Variants in C1orf87 observed in about 807,000 individuals in gnomAD.
The protein encoded by C1orf87 is chromosome 1 open reading frame 87, also known as uncharacterized protein C1orf87.
C1orf87 carries 58 observed loss-of-function variants against 60.5 expected under a neutral mutation model. That is an observed-to-expected ratio of 0.96 (90% confidence interval 0.78 to 1.19). The LOEUF (loss-of-function observed/expected upper bound fraction) is 1.19. Among genes scored for constraint, C1orf87 ranks in the 50% most tolerant of loss-of-function variants. The probability of loss-of-function intolerance (pLI) is 0.00; values close to 1 mark genes in which losing one functional copy is unlikely to be tolerated. For synonymous variants in C1orf87, 236 were observed against 227.4 expected, an observed-to-expected ratio of 1.04 and a Z score of -0.34; for missense variants, 673 against 638.6, an observed-to-expected ratio of 1.05 and a Z score of -0.58.
chr1:60,035,606 C>T (rs1645270317), intron 6 of C1orf87, among the ~76,000 whole-genome samples: 1 of 152,230 alleles, frequency 6.6e-6, no homozygotes, highest in Non-Finnish European at 1.5e-5. Context: ...TTTCTACAAA[C>T]ATACTGTCTG....
In C1orf87 at chr1:60,003,358, T is replaced by C. The variant is rs534171402; in HGVS notation, c.1193-2202A>G. On this transcript the variant is annotated intron_variant, in intron 9 of 11. Transcript: ENST00000371201. The stretch of plus-strand genomic sequence containing the variant: ...AGGGGGGAGGGATAGCATCAGGAGA[T>C]ATACCTAATGATAGATAACGAGTTA... Among the ~76,000 whole-genome samples the C allele has an allele frequency of 7.4e-5, 11 of 149,202 alleles. No individual in the cohort carries two copies. In the South Asian group the frequency reaches 2.4e-3, roughly 33 times the overall value.
At chr1:60,063,765 C>A (rs1645512904) in intron 2 of C1orf87, among the ~76,000 whole-genome samples, 1 of 152,114 alleles carries the variant, frequency 6.6e-6, no homozygotes, top group Non-Finnish European at 1.5e-5. Flanking sequence ...GCAAGCTGGA[C>A]CTCAGTGGCA....
intron 3 of C1orf87, among the ~76,000 whole-genome samples, chr1:60,049,742 C>A (rs1049664036): frequency 6.6e-6 from 1 of 152,002 alleles, no homozygotes; most frequent in Admixed American, 6.5e-5. Context: ...ACACTTAAAC[C>A]TTTGATGTAT....
chr1:60,001,522 T>C (rs1416144531), intron 9 of C1orf87, among the ~76,000 whole-genome samples: 2 of 151,928 alleles, frequency 1.3e-5, no homozygotes, highest in Non-Finnish European at 2.9e-5. Flanking sequence ...ACCTGAAGGA[T>C]TGGTTTTAGT....
intron 3 of C1orf87, among the ~76,000 whole-genome samples, chr1:60,042,585 G>A (rs1645334025): frequency 6.6e-6 from 1 of 152,196 alleles, no homozygotes; most frequent in African/African-American, 2.4e-5. Context: ...AAAATCACAA[G>A]AGTTATTTAT....
At chr1:60,068,338 T>C (rs776357064) in intron 2 of C1orf87, among the ~76,000 whole-genome samples, 2 of 152,252 alleles carry the variant, frequency 1.3e-5, no homozygotes, top group Non-Finnish European at 2.9e-5. Flanking sequence ...TTGTTGGTTT[T>C]AGCTTATTTC....
intron 8 of C1orf87, among the ~76,000 whole-genome samples, chr1:60,012,180 A>G (rs1028165499): frequency 6.6e-6 from 1 of 150,432 alleles, no homozygotes; most frequent in African/African-American, 2.5e-5. Context: ...GCTTTGATGA[A>G]AAAAAAAACA....
intron 8 of C1orf87, among the ~76,000 whole-genome samples, chr1:60,020,937 T>G (rs1489352996): frequency 1.3e-5 from 2 of 152,048 alleles, no homozygotes; most frequent in African/African-American, 2.4e-5. Flanking sequence ...AAGGGCCTGG[T>G]GGGAGGTGAT....
intron 8 of C1orf87, among the ~76,000 whole-genome samples, chr1:60,020,123 T>C (rs1645152324): frequency 6.6e-6 from 1 of 152,154 alleles, no homozygotes; most frequent in East Asian, 1.9e-4. Context: ...TGGCAGCTCC[T>C]CCCATCACAG....
chr1:60,039,838 C>A (rs1173607716), intron 5 of C1orf87, 79 bp downstream of exon 5: 1 of 1,457,414 alleles, frequency 6.9e-7, no homozygotes, highest in Non-Finnish European at 9.3e-7. Context: ...AAGTAGCTAA[C>A]TTCTTAGTCT....
chr1:60,044,958 C>T (rs1372489678), intron 3 of C1orf87, among the ~76,000 whole-genome samples: 9 of 152,200 alleles, frequency 5.9e-5, no homozygotes, highest in Non-Finnish European at 1.5e-5. Context: ...CACAGATTTA[C>T]TGACTCTTCT....
At chr1:59,996,235 T>C (rs1644963179) in intron 11 of C1orf87, among the ~76,000 whole-genome samples, 1 of 152,238 alleles carries the variant, frequency 6.6e-6, no homozygotes, top group Non-Finnish European at 1.5e-5. Context: ...TAGATGGTAC[T>C]AATGTGTACA....
In C1orf87 at chr1:60,067,140, G is replaced by A. The variant is rs1218639534; in HGVS notation, c.107+5397C>T. Among the ~76,000 whole-genome samples the A allele has an allele frequency of 4.6e-5, 7 of 152,136 alleles. 1 individual carries two copies. Among genetic ancestry groups the A allele is most frequent in the Admixed American group, 1.3e-4 (2 of 15,272 alleles). On this transcript the variant is annotated intron_variant, in intron 2 of 11. Transcript: ENST00000371201. ...GTGAACAGTGCTGCAATAAACATAC[G>A]TGTGCATGTGTCTTTATAGTAGAAT...
chr1:60,036,137 C>T (rs895400695), intron 6 of C1orf87, among the ~76,000 whole-genome samples: 2 of 152,114 alleles, frequency 1.3e-5, no homozygotes, highest in Non-Finnish European at 2.9e-5. Context: ...TGATATTTGA[C>T]TGGAATGCCT....
chr1:60,005,696 AG>A (rs1387108422), intron 9 of C1orf87, among the ~76,000 whole-genome samples: 1 of 152,002 alleles, frequency 6.6e-6, no homozygotes, highest in Non-Finnish European at 1.5e-5. Context: ...CAGAATGAAA[AG>A]GGAAGAGAAA....
intron 8 of C1orf87, among the ~76,000 whole-genome samples, chr1:60,015,429 G>A (rs1349222552): frequency 2.0e-5 from 3 of 152,092 alleles, no homozygotes; most frequent in Non-Finnish European, 4.4e-5. Context: ...TCTTGTTATA[G>A]CAGTCCAAAT....
At chr1:60,009,494 T>C (rs937905451) in intron 9 of C1orf87, among the ~76,000 whole-genome samples, 6 of 152,048 alleles carry the variant, frequency 3.9e-5, no homozygotes, top group South Asian at 2.1e-4. Context: ...ATACTCACCA[T>C]ATTCTTTTTT....
At chr1:60,072,733 G>T in intron 1 of C1orf87, 63 bp from the exon 2 acceptor site, 1 of 802,468 alleles carries the variant, frequency 1.2e-6, no homozygotes, top group Non-Finnish European at 2.0e-6. Flanking sequence ...CATCATCCTT[G>T]CCAATAACAA....
chr1:60,041,292 G>A lies in C1orf87; in HGVS notation c.343-161C>T, dbSNP rs947264302. ...TGTATCATTGAGTCATTGAATCGTC[G>A]TGAAGAAATGTTGCCTTCATACCAA... On this transcript the variant is annotated intron_variant, in intron 3 of 11. Coordinates refer to ENST00000371201, the MANE Select transcript of C1orf87 (RefSeq NM_152377.3). Among the ~76,000 whole-genome samples the A allele has an allele frequency of 9.9e-5, 15 of 152,166 alleles. 1 individual carries two copies. In the South Asian group the frequency reaches 2.5e-3, roughly 25 times the overall value.
Sources: gnomAD v4.1 joint callset for allele counts (sites outside exome capture counted in the v4.1 genomes callset) on GRCh38, gnomAD v4.1.1 for gene constraint, MANE v1.5 for transcripts, NCBI Gene and HGNC (gene_info 2026-07-23, HGNC 2026-07-21) for gene names.